Variants in SIRT5 observed in about 807,000 individuals in gnomAD.
The protein encoded by SIRT5 is sirtuin 5, also known as NAD-dependent protein deacylase sirtuin-5, mitochondrial.
A neutral mutation model predicts 40.0 loss-of-function variants in SIRT5; 26 were observed. The ratio of observed to expected loss-of-function variants is 0.65; its 90% CI spans 0.48 to 0.90. The LOEUF (loss-of-function observed/expected upper bound fraction) is 0.90, where lower values mean the gene tolerates loss of function less well. Ranked by LOEUF, SIRT5 falls within the 40% of genes least tolerant of loss-of-function variation. The probability of loss-of-function intolerance (pLI) is 0.00; values close to 1 mark genes in which losing one functional copy is unlikely to be tolerated. For synonymous variants in SIRT5, 146 were observed against 149.1 expected, an observed-to-expected ratio of 0.98 and a Z score of 0.15; for missense variants, 401 against 402.4, an observed-to-expected ratio of 1.00 and a Z score of 0.03.
chr6:13,588,422 C>A lies in SIRT5; in HGVS notation c.207C>A (p.Thr69=). 6.2e-7 allele frequency: 1 copy of A among 1,614,228 alleles called. No individual in the cohort carries two copies. The highest frequency in any genetic ancestry group is 1.1e-5 in the South Asian group (1 of 91,086). Residue 69 remains threonine, a synonymous_variant, in exon 4 of 10, where the codon ACC becomes ACA. Coordinates refer to ENST00000606117, the MANE Select transcript of SIRT5 (RefSeq NM_012241.5). The stretch of plus-strand genomic sequence containing the variant: ...TTAGTGCAGAAAGTGGTGTTCCGAC[C>A]TTCAGAGGAGCTGGAGGTTATTGGA... ...AGVSAESGVP[T]FRGAGGYWRK...
At chr6:13,589,808 C>T (rs565199617) in intron 4 of SIRT5, among the ~76,000 whole-genome samples, 96 of 152,032 alleles carry the variant, frequency 6.3e-4, no homozygotes, top group Admixed American at 2.2e-3. Flanking sequence ...TCAGAGGGTG[C>T]GGGAGGAGCT....
chr6:13,601,008 C>T, intron 9 of SIRT5, 59 bp downstream of exon 9: 1 of 1,338,418 alleles, frequency 7.5e-7, no homozygotes, highest in Non-Finnish European at 1.1e-6. Flanking sequence ...ACATGGTCAT[C>T]TAAACATAGT....
At chr6:13,591,397 T>G (rs755402169) in intron 4 of SIRT5, among the ~76,000 whole-genome samples, 18 of 152,098 alleles carry the variant, frequency 1.2e-4, no homozygotes, top group Admixed American at 2.0e-4. Context: ...ACTTGGGAGG[T>G]AGATGGGACA....
chr6:13,585,072 C>T (rs1759883626), intron 3 of SIRT5: 1 of 152,232 alleles, frequency 6.6e-6, no homozygotes. Context: ...ACCATCTGAT[C>T]TTTGACAAAC....
chr6:13,585,306 A>G (rs1184334348), intron 3 of SIRT5, among the ~76,000 whole-genome samples: 4 of 152,028 alleles, frequency 2.6e-5, no homozygotes, highest in African/African-American at 7.3e-5. Context: ...GGTTTGTTAC[A>G]TAGGTATACA....
upstream of SIRT5, chr6:13,574,384 C>T (rs1758288647): frequency 6.6e-6 from 1 of 152,038 alleles, no homozygotes; most frequent in Non-Finnish European, 1.5e-5. Flanking sequence ...CCCGACCAAG[C>T]ACTGCTCTCG....
intron 2 of SIRT5, among the ~76,000 whole-genome samples, chr6:13,582,611 C>CA (rs756756300): frequency 0.11 from 13,823 of 122,006 alleles, 900 homozygotes; most frequent in Admixed American, 0.16. Context: ...TGCCTCCCAC[C>CA]AAAAAAAAAA....
intron 4 of SIRT5, among the ~76,000 whole-genome samples, chr6:13,590,223 A>AC (rs1370477799): frequency 6.6e-6 from 1 of 151,906 alleles, no homozygotes; most frequent in Non-Finnish European, 1.5e-5. Flanking sequence ...ACTGCGTAAC[A>AC]CCCCCACCTC....
chr6:13,585,958 C>A (rs1417541556), intron 3 of SIRT5, among the ~76,000 whole-genome samples: 1 of 152,148 alleles, frequency 6.6e-6, no homozygotes, highest in Non-Finnish European at 1.5e-5. Flanking sequence ...GATGGTATCT[C>A]ACTGTGGTTT....
rs1759748970 is a variant in SIRT5, at chr6:13,584,150, C to G, written c.40C>G (p.Gln14Glu). 2 of 1,614,042 alleles carry G rather than the reference C, an allele frequency of 1.2e-6. No individual in the cohort carries two copies. The highest frequency in any genetic ancestry group is 1.3e-5 in the African/African-American group (1 of 74,904). Residue 14 changes from glutamine (Q) to glutamate (E), a missense_variant, in exon 3 of 10, where the codon CAG (glutamine) becomes GAG (glutamate). By Grantham distance (29) the Gln-to-Glu change is conservative. Transcript: ENST00000606117. ...LQIVPSRLISQLYCGLKPPAS... is the reference protein window; with the variant it reads ...LQIVPSRLISELYCGLKPPAS... ...GATTGTCCCAAGTCGATTGATTTCCCAGCTATATTGTGGCCTGAAGCCTCC... is the reference window on the plus strand; with the variant it reads ...GATTGTCCCAAGTCGATTGATTTCCGAGCTATATTGTGGCCTGAAGCCTCC...
Position 13,591,625 on chromosome 6 carries a change from G to A in SIRT5, c.250-44G>A, listed in dbSNP as rs764592281. On this transcript the variant is annotated intron_variant, in intron 4 of 9. Coordinates refer to ENST00000606117, the MANE Select transcript of SIRT5 (RefSeq NM_012241.5). The stretch of plus-strand genomic sequence containing the variant: ...CTGTGCCCCAGGGTTCAGCATCCTG[G>A]CTGTCTCTGCCTCCCTCACTCCTGC... The A allele has an allele frequency of 4.8e-6, 7 of 1,449,066 alleles. No individual in the cohort carries two copies. The African/African-American group carries it at 5.7e-5, about 12-fold the overall frequency. 89.8% of individuals were successfully genotyped at this position (1,449,066 alleles called of 1,614,324 possible). A position where few individuals can be genotyped will look rare whatever the true frequency, so the allele number is the denominator to read the frequency against.
chr6:13,591,182 G>A (rs1039700469), intron 4 of SIRT5, among the ~76,000 whole-genome samples: 12 of 151,852 alleles, frequency 7.9e-5, no homozygotes, highest in African/African-American at 2.9e-4. Flanking sequence ...GTGTACTTGT[G>A]TGTGTGTGTA....
intron 9 of SIRT5, among the ~76,000 whole-genome samples, chr6:13,606,040 G>T (rs1351261679): frequency 6.6e-6 from 1 of 152,246 alleles, no homozygotes; most frequent in African/African-American, 2.4e-5. Flanking sequence ...ACCAAGGAAA[G>T]ATTATATTCT....
chr6:13,580,643 CT>C (rs1313019582), intron 2 of SIRT5, among the ~76,000 whole-genome samples: 1 of 152,098 alleles, frequency 6.6e-6, no homozygotes, highest in African/African-American at 2.4e-5. Flanking sequence ...TTCTCTTTCT[CT>C]CTTTCTCCCT....
At chr6:13,602,483 A>G (rs1762521948) in intron 9 of SIRT5, among the ~76,000 whole-genome samples, 1 of 151,842 alleles carries the variant, frequency 6.6e-6, no homozygotes, top group African/African-American at 2.4e-5. Context: ...CTGGGCAACA[A>G]GAGTAAAACT....
chr6:13,594,167 C>G (rs1761289785), intron 5 of SIRT5, among the ~76,000 whole-genome samples: 1 of 152,168 alleles, frequency 6.6e-6, no homozygotes, highest in Non-Finnish European at 1.5e-5. Flanking sequence ...TCTGCCCGGT[C>G]AGGCCACGGA....
intron 5 of SIRT5, among the ~76,000 whole-genome samples, chr6:13,595,175 G>A (rs959333676): frequency 6.6e-6 from 1 of 152,202 alleles, no homozygotes; most frequent in Non-Finnish European, 1.5e-5. Context: ...GCATGCCTCT[G>A]TTTCCCATGA....
chr6:13,594,865 T>G (rs894157722), intron 5 of SIRT5, among the ~76,000 whole-genome samples: 13 of 152,240 alleles, frequency 8.5e-5, no homozygotes, highest in African/African-American at 2.9e-4. Context: ...AACAATTACT[T>G]TTTTCACTTA....
intron 7 of SIRT5, 86 bp downstream of exon 7, chr6:13,597,102 G>A: frequency 9.7e-7 from 1 of 1,026,194 alleles, no homozygotes; most frequent in Non-Finnish European, 1.5e-6. Context: ...ACATGTATTT[G>A]GCAAGACGCC....
Sources: gnomAD v4.1 joint callset for allele counts (sites outside exome capture counted in the v4.1 genomes callset) on GRCh38, gnomAD v4.1.1 for gene constraint, MANE v1.5 for transcripts, NCBI Gene and HGNC (gene_info 2026-07-23, HGNC 2026-07-21) for gene names.